The following TRDN variants were observed in gnomAD, a reference collection of about 807,000 sequenced individuals.
TRDN encodes triadin in skeletal muscle.
A neutral mutation model predicts 149.7 loss-of-function variants in TRDN; 161 were observed. That is an observed-to-expected ratio of 1.08 (90% CI 0.95 to 1.23). TRDN has a LOEUF of 1.23. Among genes scored for constraint, TRDN ranks in the 50% most tolerant of loss-of-function variants. TRDN has a pLI of 0.00. For missense variants in TRDN, 896 were observed against 823.5 expected (o/e 1.09, Z -1.08); for synonymous variants, 294 against 250.5 (o/e 1.17, Z -1.64).
intron 33 of TRDN, 47 bp from the exon 34 acceptor site, chr6:123,260,685 TAAA>T: frequency 7.5e-7 from 1 of 1,326,640 alleles, no homozygotes; most frequent in Non-Finnish European, 9.9e-7. Context: ...GGAAAAAAAA[TAAA>T]AAGAAAAAGT....
chr6:123,486,357 C>T (rs1562340856), intron 9 of TRDN, among the ~76,000 whole-genome samples: 1 of 151,358 alleles, frequency 6.6e-6, no homozygotes, highest in East Asian at 1.9e-4. Flanking sequence ...TGTAAAGATG[C>T]CAATCTATTT....
At chr6:123,410,715 C>A (rs1773397077) in intron 12 of TRDN, among the ~76,000 whole-genome samples, 1 of 151,896 alleles carries the variant, frequency 6.6e-6, no homozygotes, top group Admixed American at 6.6e-5. Context: ...CTGGACATCA[C>A]AAATATTAGT....
intron 35 of TRDN, among the ~76,000 whole-genome samples, chr6:123,259,207 T>C (rs559330573): frequency 5.9e-5 from 9 of 152,272 alleles, no homozygotes; most frequent in African/African-American, 1.9e-4. Context: ...TTCTTGCTTC[T>C]GTAGTTCTTT....
intron 7 of TRDN, among the ~76,000 whole-genome samples, chr6:123,506,053 G>A (rs762383703): frequency 7.2e-5 from 11 of 152,000 alleles, no homozygotes; most frequent in African/African-American, 1.4e-4. Context: ...AGCTTTCTGC[G>A]GATGACTTTA....
intron 12 of TRDN, among the ~76,000 whole-genome samples, chr6:123,433,426 C>A (rs1048966031): frequency 6.6e-6 from 1 of 151,796 alleles, no homozygotes; most frequent in Admixed American, 6.6e-5. Flanking sequence ...CTGTAAGCTC[C>A]ATTAGGGCAG....
intron 1 of TRDN, among the ~76,000 whole-genome samples, chr6:123,622,338 C>T (rs1283794718): frequency 2.3e-5 from 3 of 131,846 alleles, no homozygotes; most frequent in African/African-American, 6.0e-5. Flanking sequence ...CACACACACA[C>T]ACACACACAG....
At chr6:123,345,232 A>G (rs866280229) in intron 21 of TRDN, among the ~76,000 whole-genome samples, 23 of 151,960 alleles carry the variant, frequency 1.5e-4, no homozygotes, top group African/African-American at 5.3e-4. Flanking sequence ...GGACGTAAAG[A>G]CTATTTTTGA....
intron 21 of TRDN, among the ~76,000 whole-genome samples, chr6:123,346,337 T>C (rs1426329711): frequency 6.6e-6 from 1 of 152,106 alleles, no homozygotes; most frequent in Admixed American, 6.6e-5. Context: ...ACTTAAACAC[T>C]TTTCAAATGT....
At chr6:123,228,157 G>T (rs750931076) in intron 38 of TRDN, among the ~76,000 whole-genome samples, 2 of 151,908 alleles carry the variant, frequency 1.3e-5, no homozygotes, top group Non-Finnish European at 2.9e-5. Context: ...CACCTCCTCA[G>T]AATATCTGTG....
intron 39 of TRDN, among the ~76,000 whole-genome samples, chr6:123,223,424 C>T (rs1401809456): frequency 6.6e-6 from 1 of 151,654 alleles, no homozygotes; most frequent in Non-Finnish European, 1.5e-5. Context: ...TACACATGTA[C>T]CCCTAAACCT....
intron 5 of TRDN, 90 bp from the exon 6 acceptor site, chr6:123,516,296 C>A: frequency 7.7e-7 from 1 of 1,292,286 alleles, no homozygotes; most frequent in Middle Eastern, 3.0e-4. Flanking sequence ...CAAAATTTAT[C>A]TTCTGTTTTT....
chr6:123,614,304 AAAAAAAAAAAC>A (rs1784970739), intron 1 of TRDN, among the ~76,000 whole-genome samples: 1 of 146,574 alleles, frequency 6.8e-6, no homozygotes, highest in East Asian at 1.9e-4. Context: ...AAAAAACAAA[AAAAAAAAAAAC>A]AAAAAAAACC....
chr6:123,227,110 G>C (rs755684530), intron 38 of TRDN, among the ~76,000 whole-genome samples: 1 of 151,722 alleles, frequency 6.6e-6, no homozygotes, highest in African/African-American at 2.4e-5. Flanking sequence ...GCTAGTCAAG[G>C]TTGCTCAAGA....
rs1389276927 is a variant in TRDN at position 123,473,595 on chromosome 6, G to A, written c.854-8612C>T. Among the ~76,000 whole-genome samples, 5 of 151,584 alleles carry A rather than the reference G, an allele frequency of 3.3e-5. No individual in the cohort carries two copies. The East Asian group carries it at 5.8e-4, about 18-fold the overall frequency. On this transcript the variant is annotated intron_variant, in intron 9 of 40. Coordinates refer to ENST00000334268, the MANE Select transcript of TRDN (RefSeq NM_006073.4). Reference sequence around the variant, plus strand: ...TTCAGATTCAGGAAATACAGAGAAGGCCACAAAGATACTCCTCGAGAAGAG... The same window carrying A: ...TTCAGATTCAGGAAATACAGAGAAGACCACAAAGATACTCCTCGAGAAGAG...
intron 9 of TRDN, among the ~76,000 whole-genome samples, chr6:123,468,528 T>C (rs1776966054): frequency 6.6e-6 from 1 of 152,188 alleles, no homozygotes; most frequent in East Asian, 1.9e-4. Flanking sequence ...GTGTACAGTG[T>C]GCATTCATTC....
chr6:123,239,868 T>C (rs1339687267), intron 38 of TRDN, among the ~76,000 whole-genome samples: 1 of 152,012 alleles, frequency 6.6e-6, no homozygotes, highest in Non-Finnish European at 1.5e-5. Context: ...CTCAAATAAA[T>C]GGGAAGCATT....
intron 19 of TRDN, among the ~76,000 whole-genome samples, chr6:123,367,307 T>C (rs1331345388): frequency 6.6e-6 from 1 of 152,214 alleles, no homozygotes; most frequent in Non-Finnish European, 1.5e-5. Context: ...GTCATATATA[T>C]TCTTATTTTT....
chr6:123,570,576 C>T (rs566962652), intron 2 of TRDN, among the ~76,000 whole-genome samples: 81 of 152,148 alleles, frequency 5.3e-4, no homozygotes, highest in Non-Finnish European at 1.0e-3. Context: ...AAGTGTAAAA[C>T]CTACAAATTA....
At chr6:123,331,475 TC>T (rs2114726269) in intron 23 of TRDN, among the ~76,000 whole-genome samples, 1 of 152,216 alleles carries the variant, frequency 6.6e-6, no homozygotes, top group South Asian at 2.1e-4. Flanking sequence ...TGTTTAGGAT[TC>T]TATTATATAT....
Sources: allele counts gnomAD v4.1 joint callset (sites outside exome capture counted in the v4.1 genomes callset), GRCh38; gene constraint gnomAD v4.1.1; transcripts MANE v1.5; gene names NCBI Gene and HGNC (gene_info 2026-07-23, HGNC 2026-07-21).